The following STARD9 variants were observed in gnomAD, a reference collection of about 807,000 sequenced individuals.
STARD9 encodes the protein StAR related lipid transfer domain containing 9, also known as stAR-related lipid transfer protein 9.
STARD9 carries 346 observed loss-of-function variants against 399.8 expected under a neutral mutation model. The ratio of observed to expected loss-of-function variants is 0.87; its 90% CI spans 0.79 to 0.95. STARD9 has a LOEUF of 0.95. STARD9 is among the 40% of genes least tolerant of loss of function. STARD9 has a pLI of 0.00. For synonymous variants in STARD9, 2,203 were observed against 2,143.5 expected (o/e 1.03, Z -0.77); for missense variants, 5,832 against 5,667.5 (o/e 1.03, Z -0.93).
intron 26 of STARD9, among the ~76,000 whole-genome samples, chr15:42,706,748 C>T (rs569397317): frequency 1.3e-5 from 2 of 152,244 alleles, no homozygotes; most frequent in South Asian, 4.1e-4. Context: ...CCACACCTGG[C>T]TTTTTTATAG....
chr15:42,716,296 C>T (rs571472662), intron 26 of STARD9, among the ~76,000 whole-genome samples: 1 of 152,264 alleles, frequency 6.6e-6, no homozygotes, highest in East Asian at 1.9e-4. Context: ...TTTATTACCC[C>T]GTTAAACCCC....
At chr15:42,715,347 C>A (rs890432699) in intron 26 of STARD9, among the ~76,000 whole-genome samples, 1 of 152,032 alleles carries the variant, frequency 6.6e-6, no homozygotes, top group Non-Finnish European at 1.5e-5. Flanking sequence ...TTGCAAGAAG[C>A]TTATCTGTGA....
chr15:42,703,359 T>G (rs941532920), intron 26 of STARD9, among the ~76,000 whole-genome samples: 2 of 128,436 alleles, frequency 1.6e-5, no homozygotes, highest in African/African-American at 8.9e-5. Context: ...GTTTTTTTTG[T>G]TTTGTTTGTT....
In STARD9 at chr15:42,674,914, G is replaced by A. The variant is rs1205897883; in HGVS notation, c.1637G>A (p.Arg546His). The A allele has an allele frequency of 2.6e-6, 4 of 1,536,942 alleles. No homozygotes were observed. Among genetic ancestry groups the A allele is most frequent in the East Asian group, 2.4e-5 (1 of 40,910 alleles). The change falls in exon 18 of 33, where the codon CGC (arginine) becomes CAC (histidine). Residue 546 changes from arginine to histidine, a missense_variant. By Grantham distance (29) the Arg-to-His change is conservative. Coordinates refer to ENST00000290607, the MANE Select transcript of STARD9 (RefSeq NM_020759.3). ...GTTCTACGACCTGCCCGTGGGGCCC[G>A]CTGTACAGTCAATGGCCGGGAGGTC... is the stretch of plus-strand genomic sequence containing the variant. ...VVVLRPARGA[R>H]CTVNGREVTA... is the part of the protein sequence containing the mutation.
chr15:42,687,534 C>T lies in STARD9; in HGVS notation c.5956C>T (p.Arg1986Cys), dbSNP rs575145889. 35 of 1,536,930 alleles carry T rather than the reference C, an allele frequency of 2.3e-5. No homozygotes were observed. In the African/African-American group the frequency reaches 2.3e-4, roughly 10 times the overall value. Residue 1986 changes from arginine to cysteine, a missense_variant, in exon 23 of 33, where the codon CGT becomes TGT. Arg to Cys is a radical substitution (Grantham distance 180, BLOSUM62 -3). Around this residue, in one of 2 missense-constraint regions of STARD9, gnomAD observed 5,828 missense variants for 5,651.1 expected, o/e 1.03. Transcript: ENST00000290607. ...NETGLLEKGLRPKDSSEEFKL... is the reference protein window; with the variant it reads ...NETGLLEKGLCPKDSSEEFKL... The stretch of plus-strand genomic sequence containing the variant: ...AACTGGGCTTCTTGAAAAAGGTCTT[C>T]GTCCCAAAGATAGCTCAGAAGAGTT...
intron 3 of STARD9, among the ~76,000 whole-genome samples, chr15:42,592,231 C>A (rs2058411822): frequency 6.6e-6 from 1 of 152,096 alleles, no homozygotes; most frequent in Admixed American, 6.5e-5. Context: ...TAGATTTGAA[C>A]ACAGGATCAT....
intron 20 of STARD9, among the ~76,000 whole-genome samples, chr15:42,680,451 T>C (rs2060405212): frequency 6.6e-6 from 1 of 151,940 alleles, no homozygotes; most frequent in Non-Finnish European, 1.5e-5. Flanking sequence ...AATACAAAAA[T>C]TAGCTGGGCG....
chr15:42,718,524 TTGG>T lies in STARD9; in HGVS notation c.13842+15_13842+17del, dbSNP rs1283009464. ...CGTGGAAGCCAAAGAGGTGCCTGCC[TTGG>T]TGGTAAAGATGTTGTGGGAAGAACT... On this transcript the variant is annotated intron_variant, in intron 31 of 32. Coordinates refer to ENST00000290607, the MANE Select transcript of STARD9 (RefSeq NM_020759.3). 2.0e-6 allele frequency: 3 copies of T among 1,536,638 alleles called. No individual in the cohort carries two copies. The highest frequency in any genetic ancestry group is 1.7e-6 in the Non-Finnish European group (2 of 1,146,368).
chr15:42,602,685 C>G (rs539041250), intron 3 of STARD9, among the ~76,000 whole-genome samples: 1 of 152,330 alleles, frequency 6.6e-6, no homozygotes, highest in South Asian at 2.1e-4. Context: ...TTGCAAAAGT[C>G]ACACTGCTGT....
chr15:42,693,148 G>GCAGTCC lies in STARD9; in HGVS notation c.11580_11585dup (p.Pro3861_Ser3862dup). On this transcript the variant is annotated inframe_insertion, in exon 23 of 33. Transcript: ENST00000290607. Reference sequence around the variant, plus strand: ...GAGGAGTCATATTGCTTAGTTGTCAGCAGTCCCAGTCCCAGCTCCCCTCAT... The same window carrying GCAGTCC: ...GAGGAGTCATATTGCTTAGTTGTCAGCAGTCCCAGTCCCAGTCCCAGCTCCCCTCAT... 6.5e-7 allele frequency: 1 copy of GCAGTCC among 1,537,132 alleles called. No homozygotes were observed. Among genetic ancestry groups the GCAGTCC allele is most frequent in the East Asian group, 2.4e-5 (1 of 40,912 alleles).
intron 9 of STARD9, among the ~76,000 whole-genome samples, chr15:42,656,622 A>G (rs976354432): frequency 2.0e-5 from 3 of 152,202 alleles, no homozygotes; most frequent in African/African-American, 7.2e-5. Flanking sequence ...TGGTGTATGT[A>G]TACTGTGGAA....
At chr15:42,591,387 C>T (rs1183686822) in intron 3 of STARD9, among the ~76,000 whole-genome samples, 1 of 151,928 alleles carries the variant, frequency 6.6e-6, no homozygotes, top group Non-Finnish European at 1.5e-5. Flanking sequence ...ACTCGGGAGG[C>T]TGAAGCAGGA....
chr15:42,665,673 A>T (rs2060086099), intron 14 of STARD9, 113 bp from the exon 15 acceptor site: 1 of 828,166 alleles, frequency 1.2e-6, no homozygotes, highest in Non-Finnish European at 1.9e-6. Context: ...TCTTATTTTA[A>T]TAATAAAGTT....
Position 42,638,200 on chromosome 15 carries a change from C to A in STARD9, c.446+113C>A, listed in dbSNP as rs770106230. ...GAGTCACCACAGGGATGGAGAAAAG[C>A]CACAGAAGAAATATCTTGCAGTACA... On this transcript the variant is annotated intron_variant, in intron 6 of 32. Coordinates refer to ENST00000290607, the MANE Select transcript of STARD9 (RefSeq NM_020759.3). 3.2e-6 allele frequency: 3 copies of A among 945,302 alleles called. No individual in the cohort carries two copies. In the Middle Eastern group the frequency reaches 9.6e-4, roughly 304 times the overall value. 58.6% of individuals were successfully genotyped at this position (945,302 alleles called of 1,614,324 possible).
intron 7 of STARD9, among the ~76,000 whole-genome samples, chr15:42,645,224 A>G (rs1283841495): frequency 5.9e-5 from 9 of 152,218 alleles, no homozygotes; most frequent in African/African-American, 1.9e-4. Flanking sequence ...GCCCAGATCC[A>G]TCAGAGGAAT....
intron 12 of STARD9, 143 bp from the exon 13 acceptor site, chr15:42,663,677 T>TG (rs1332784373): frequency 1.3e-5 from 9 of 682,968 alleles, no homozygotes; most frequent in Non-Finnish European, 2.3e-5. Context: ...ACTGGTACTC[T>TG]ATCTCAGAGA....
chr15:42,699,462 C>T (rs1256371430), intron 26 of STARD9, among the ~76,000 whole-genome samples: 3 of 141,102 alleles, frequency 2.1e-5, no homozygotes, highest in Non-Finnish European at 4.5e-5. Flanking sequence ...GGCTCAATCT[C>T]GGCTCACTGC....
intron 9 of STARD9, among the ~76,000 whole-genome samples, chr15:42,654,209 CAGAAAAA>C: frequency 6.6e-6 from 1 of 152,018 alleles, no homozygotes; most frequent in South Asian, 2.1e-4. Context: ...ATATGAGACA[CAGAAAAA>C]AGAAAAATCA....
chr15:42,608,351 A>G (rs1378301559), intron 3 of STARD9, among the ~76,000 whole-genome samples: 1 of 152,080 alleles, frequency 6.6e-6, no homozygotes, highest in African/African-American at 2.4e-5. Flanking sequence ...ACACATAACT[A>G]ATCTCTTCAA....
Sources: gnomAD v4.1 joint callset for allele counts (sites outside exome capture counted in the v4.1 genomes callset) on GRCh38, gnomAD v4.1.1 for gene constraint, gnomAD v4.1.1 regional missense constraint, MANE v1.5 for transcripts, NCBI Gene and HGNC (gene_info 2026-07-23, HGNC 2026-07-21) for gene names.